The following GPHN variants were observed in gnomAD, a reference collection of about 807,000 sequenced individuals.
GPHN encodes the protein gephyrin.
A neutral mutation model predicts 95.5 loss-of-function variants in GPHN; 17 were observed. That is an observed-to-expected ratio of 0.18 (90% CI 0.12 to 0.27). The LOEUF (loss-of-function observed/expected upper bound fraction) is 0.27. GPHN is among the 10% of genes least tolerant of loss of function. The pLI is 1.00. For missense variants in GPHN, 660 were observed against 978.1 expected (o/e 0.67, Z 4.34); for synonymous variants, 320 against 322.5 (o/e 0.99, Z 0.08).
chr14:66,589,268 A>G (rs1403357901), intron 1 of GPHN, among the ~76,000 whole-genome samples: 2 of 152,200 alleles, frequency 1.3e-5, no homozygotes, highest in Non-Finnish European at 2.9e-5. Context: ...GGTACCAGCC[A>G]CTGCAAAAAC....
chr14:67,469,944 C>T, the GPHN span, among the ~76,000 whole-genome samples: 1 of 152,200 alleles, frequency 6.6e-6, no homozygotes, highest in Non-Finnish European at 1.5e-5. Flanking sequence ...GTCTCATGGG[C>T]AACTGCAGCC....
the GPHN span, among the ~76,000 whole-genome samples, chr14:67,444,570 T>C: frequency 6.6e-6 from 1 of 152,210 alleles, no homozygotes; most frequent in African/African-American, 2.4e-5. Context: ...TCTTTTGTTA[T>C]TCATAATAAG....
chr14:66,978,942 T>C (rs1278774781), intron 9 of GPHN, among the ~76,000 whole-genome samples: 1 of 152,296 alleles, frequency 6.6e-6, no homozygotes, highest in East Asian at 1.9e-4. Context: ...ATTATCTCCT[T>C]GTATATCCCA....
intron 4 of GPHN, among the ~76,000 whole-genome samples, chr14:66,839,460 C>G (rs1413245486): frequency 1.3e-5 from 2 of 152,090 alleles, no homozygotes; most frequent in Admixed American, 6.6e-5. Flanking sequence ...TCAGGCTAAA[C>G]CTTTATGGAA....
At chr14:66,842,839 G>T in intron 4 of GPHN, 1 of 709,254 alleles carries the variant, frequency 1.4e-6, no homozygotes, top group Non-Finnish European at 2.4e-6. Context: ...TTTCCTTGTG[G>T]ATTGTTATGT....
chr14:66,673,840 A>AT (rs1250448970), intron 1 of GPHN, among the ~76,000 whole-genome samples: 2 of 151,828 alleles, frequency 1.3e-5, no homozygotes, highest in African/African-American at 2.4e-5. Flanking sequence ...TCACCTTCAC[A>AT]TTTTTTCCTT....
intron 1 of GPHN, among the ~76,000 whole-genome samples, chr14:66,555,145 G>A (rs910070345): frequency 6.6e-6 from 1 of 151,860 alleles, no homozygotes; most frequent in Non-Finnish European, 1.5e-5. Flanking sequence ...AGAAGCGTAA[G>A]TACTTAACGT....
the GPHN span, chr14:67,571,601 G>A: frequency 1.3e-5 from 9 of 679,814 alleles, no homozygotes; most frequent in Non-Finnish European, 1.8e-5. Context: ...AGTGAGGCCA[G>A]GAGGGACCTT....
chr14:66,522,864 C>T (rs78287919), intron 1 of GPHN, among the ~76,000 whole-genome samples: 1,837 of 151,776 alleles, frequency 0.012, 20 homozygotes, highest in Non-Finnish European at 0.018. Flanking sequence ...TCTATGATAG[C>T]AAAGACTAGA....
chr14:66,805,347 T>C (rs1374470956), intron 3 of GPHN, among the ~76,000 whole-genome samples: 3 of 152,080 alleles, frequency 2.0e-5, no homozygotes, highest in Non-Finnish European at 1.5e-5. Context: ...GAAATTTGGG[T>C]GGGGATACAA....
At chr14:67,436,226 TG>T in the GPHN span, among the ~76,000 whole-genome samples, 1 of 152,184 alleles carries the variant, frequency 6.6e-6, no homozygotes, top group Admixed American at 6.5e-5. Flanking sequence ...CCAAGAAGCC[TG>T]GGCAAATGCC....
intron 11 of GPHN, among the ~76,000 whole-genome samples, chr14:67,082,951 T>C (rs1311369843): frequency 6.6e-6 from 1 of 152,240 alleles, no homozygotes; most frequent in Non-Finnish European, 1.5e-5. Context: ...AAAATAATTA[T>C]GCTCAAGTTT....
At chr14:67,725,275 T>C in the GPHN span, 1 of 1,612,036 alleles carries the variant, frequency 6.2e-7, no homozygotes, top group Non-Finnish European at 8.5e-7. Flanking sequence ...GATGGGTAGG[T>C]AGAAAAGCAG....
chr14:67,730,005 G>A, the GPHN span, among the ~76,000 whole-genome samples: 12 of 152,258 alleles, frequency 7.9e-5, no homozygotes, highest in African/African-American at 2.6e-4. Context: ...TATTTATTCC[G>A]TGAAGCACTG....
chr14:67,371,881 AAT>A, the GPHN span, among the ~76,000 whole-genome samples: 1 of 152,216 alleles, frequency 6.6e-6, no homozygotes, highest in Non-Finnish European at 1.5e-5. Flanking sequence ...TAAAACAATT[AAT>A]ATGTTTTTCA....
chr14:66,613,866 T>C (rs979203807), intron 1 of GPHN, among the ~76,000 whole-genome samples: 1 of 152,178 alleles, frequency 6.6e-6, no homozygotes, highest in African/African-American at 2.4e-5. Context: ...TAAATTCTTA[T>C]TATTAATGCA....
At chr14:66,614,291 C>A (rs960939655) in intron 1 of GPHN, among the ~76,000 whole-genome samples, 3 of 152,052 alleles carry the variant, frequency 2.0e-5, no homozygotes, top group Non-Finnish European at 4.4e-5. Flanking sequence ...CCAGATCAAA[C>A]GAGTAAGAGG....
At chr14:66,825,373 T>G (rs1402939683) in intron 4 of GPHN, among the ~76,000 whole-genome samples, 1 of 152,212 alleles carries the variant, frequency 6.6e-6, no homozygotes, top group Non-Finnish European at 1.5e-5. Context: ...TTGTATCTAC[T>G]ACCTTATTAA....
intron 4 of GPHN, among the ~76,000 whole-genome samples, chr14:66,869,966 T>C (rs984827554): frequency 6.6e-6 from 1 of 152,226 alleles, no homozygotes; most frequent in African/African-American, 2.4e-5. Context: ...CAAATATTTG[T>C]TGAGCACATA....
Sources: gnomAD v4.1 joint callset for allele counts (sites outside exome capture counted in the v4.1 genomes callset) on GRCh38, gnomAD v4.1.1 for gene constraint, MANE v1.5 for transcripts, NCBI Gene and HGNC (gene_info 2026-07-23, HGNC 2026-07-21) for gene names.